Variants in KCNJ15 observed in about 807,000 individuals in gnomAD.
KCNJ15 encodes the protein ATP-sensitive inward rectifier potassium channel 15.
In KCNJ15, 14 loss-of-function variants were observed where a neutral mutation model predicts 23.0. The ratio of observed to expected loss-of-function variants is 0.61; its 90% CI spans 0.40 to 0.95. The LOEUF is 0.95. Ranked by LOEUF, KCNJ15 falls within the 40% of genes least tolerant of loss-of-function variation. The pLI, the probability that KCNJ15 is intolerant of heterozygous loss-of-function variation, is 0.00. For synonymous variants in KCNJ15, 185 were observed against 183.2 expected (o/e 1.01, Z -0.08); for missense variants, 388 against 461.8 (o/e 0.84, Z 1.46).
chr21:38,252,120 C>G (rs548102840), upstream of KCNJ15, among the ~76,000 whole-genome samples: 32 of 152,244 alleles, frequency 2.1e-4, no homozygotes, highest in Non-Finnish European at 3.7e-4. Flanking sequence ...GCTGTCTAAA[C>G]TCCATGAGGC....
intron 1 of KCNJ15, among the ~76,000 whole-genome samples, chr21:38,239,403 G>A (rs1211710531): frequency 6.6e-6 from 1 of 152,190 alleles, no homozygotes; most frequent in Non-Finnish European, 1.5e-5. Context: ...GCAGTCTAGA[G>A]GACTCCCTTG....
At chr21:38,295,156 T>C (rs987792439) in intron 1 of KCNJ15, among the ~76,000 whole-genome samples, 3 of 152,248 alleles carry the variant, frequency 2.0e-5, no homozygotes, top group African/African-American at 7.2e-5. Flanking sequence ...TTACTTTTAT[T>C]ATTATTTTCA....
rs1045937575 is a variant in KCNJ15 at position 38,302,726 on chromosome 21, A to G, written c.*2337A>G. On this transcript the variant is annotated 3_prime_UTR_variant, in exon 3 of 3. Transcript: ENST00000398938. ...TCAATGCTAATTTGAATGTGATGCCAATTAAAAATCTTGTTCATTTATATT... is the reference window on the plus strand; with the variant it reads ...TCAATGCTAATTTGAATGTGATGCCGATTAAAAATCTTGTTCATTTATATT... 1 of 152,188 alleles carries G rather than the reference A, an allele frequency of 6.6e-6. No individual in the cohort carries two copies. Among genetic ancestry groups the G allele is most frequent in the African/African-American group, 2.4e-5 (1 of 41,460 alleles). 9.4% of individuals were successfully genotyped at this position (152,188 alleles called of 1,614,324 possible).
rs1985982072 is a variant in KCNJ15 at position 38,304,662 on chromosome 21, C to CTTTTTTTTATTTTTTTTT, written c.*4281_*4282insATTTTTTTTTTTTTTTTT. 1 of 56,026 alleles carries CTTTTTTTTATTTTTTTTT rather than the reference C, an allele frequency of 1.8e-5. No individual in the cohort carries two copies. Among genetic ancestry groups the CTTTTTTTTATTTTTTTTT allele is most frequent in the East Asian group, 5.6e-4 (1 of 1,798 alleles). The allele number at this position is 56,026 out of a possible 1,614,324, so 3.5% of individuals were successfully genotyped here. ...TTACCCTTTGTAAACTTCAATTTAT[C>CTTTTTTTTATTTTTTTTT]TTTTTTTTTTTTTTTTTTTTTTTTT... On this transcript the variant is annotated 3_prime_UTR_variant, in exon 3 of 3. Coordinates refer to ENST00000398938, the MANE Select transcript of KCNJ15 (RefSeq NM_170736.3).
At chr21:38,264,815 G>C (rs1981293363) in intron 1 of KCNJ15, among the ~76,000 whole-genome samples, 2 of 152,170 alleles carry the variant, frequency 1.3e-5, no homozygotes, top group Non-Finnish European at 2.9e-5. Context: ...ACAAGAAACA[G>C]GGAACCATGT....
intron 1 of KCNJ15, among the ~76,000 whole-genome samples, chr21:38,243,903 TA>T (rs1241843586): frequency 1.3e-5 from 2 of 152,248 alleles, no homozygotes; most frequent in Non-Finnish European, 2.9e-5. Flanking sequence ...GTTATTGTCA[TA>T]AAATAACCAT....
At position 38,303,384 on chromosome 21, in the gene KCNJ15, G is replaced by C. The variant is rs900204742; in HGVS notation, c.*2995G>C. ...TTTCTCAATGAGACCATTAAAAAAC[G>C]TTGTGTTCCATTTGAGAAACCAGAG... On this transcript the variant is annotated 3_prime_UTR_variant, in exon 3 of 3. Transcript: ENST00000398938. 1.3e-5 allele frequency: 2 copies of C among 151,842 alleles called. No homozygotes were observed. The highest frequency in any genetic ancestry group is 4.2e-4 in the South Asian group (2 of 4,808). 9.4% of individuals were successfully genotyped at this position (151,842 alleles called of 1,614,324 possible). A position where few individuals can be genotyped will look rare whatever the true frequency, so the allele number is the denominator to read the frequency against.
In KCNJ15 at chr21:38,300,412, TA is replaced by T. The variant is rs755168318; in HGVS notation, c.*25del. The stretch of plus-strand genomic sequence containing the variant: ...TGATCACAGGGGCGCCATCCAGGTT[TA>T]ACCCTGCAAGCTGTTTCCACATCAG... On this transcript the variant is annotated 3_prime_UTR_variant, in exon 3 of 3. Transcript: ENST00000398938. 52 of 1,568,756 alleles carry T rather than the reference TA, an allele frequency of 3.3e-5. 1 individual carries two copies. In the South Asian group the frequency reaches 6.1e-4, roughly 18 times the overall value.
chr21:38,298,983 A>G (rs978405704), intron 2 of KCNJ15, among the ~76,000 whole-genome samples: 1 of 152,222 alleles, frequency 6.6e-6, no homozygotes, highest in Non-Finnish European at 1.5e-5. Context: ...AAAGGTCCAG[A>G]GAGGTTAAAT....
intron 1 of KCNJ15, among the ~76,000 whole-genome samples, chr21:38,271,276 T>C (rs1220861629): frequency 5.9e-5 from 9 of 152,210 alleles, no homozygotes; most frequent in Admixed American, 1.3e-4. Flanking sequence ...CCCAGTATCA[T>C]TGAGAAAACT....
intron 1 of KCNJ15, among the ~76,000 whole-genome samples, chr21:38,247,350 GTGGA>G (rs143175330): frequency 0.44 from 59,261 of 135,044 alleles, 13,183 homozygotes; most frequent in East Asian, 0.75. Flanking sequence ...AGATGCATAG[GTGGA>G]TGGATGGATG....
At chr21:38,255,536 C>T (rs1331286396), upstream of KCNJ15, among the ~76,000 whole-genome samples, 1 of 152,116 alleles carries the variant, frequency 6.6e-6, no homozygotes, top group Non-Finnish European at 1.5e-5. Context: ...ATTTATACTC[C>T]CAGGCTGAAA....
intron 1 of KCNJ15, among the ~76,000 whole-genome samples, chr21:38,232,911 A>C (rs1978365310): frequency 6.6e-6 from 1 of 152,016 alleles, no homozygotes; most frequent in Non-Finnish European, 1.5e-5. Context: ...CTTGAAAAGA[A>C]GATGTATATT....
At chr21:38,233,608 G>T (rs1978413249) in intron 1 of KCNJ15, among the ~76,000 whole-genome samples, 2 of 151,864 alleles carry the variant, frequency 1.3e-5, no homozygotes, top group South Asian at 4.1e-4. Context: ...CTTAGTGGTT[G>T]CCCTAGGGCT....
intron 1 of KCNJ15, among the ~76,000 whole-genome samples, chr21:38,275,920 C>G (rs1005913399): frequency 2.6e-5 from 4 of 152,164 alleles, no homozygotes; most frequent in Non-Finnish European, 5.9e-5. Flanking sequence ...AGTCCTCCTC[C>G]TGGAAATCCT....
Position 38,300,090 on chromosome 21 carries a change from T to G in KCNJ15, c.829T>G (p.Phe277Val). Residue 277 changes from phenylalanine to valine, a missense_variant, in exon 3 of 3, where the codon TTT becomes GTT. Physicochemically the swap from Phe to Val is conservative, Grantham distance 50. Coordinates refer to ENST00000398938, the MANE Select transcript of KCNJ15 (RefSeq NM_170736.3). Reference protein sequence around the residue: ...LTPQNLKEKEFELVVLLNATV... With the variant: ...LTPQNLKEKEVELVVLLNATV... ...ACCCCAAAACCTAAAGGAGAAGGAG[T>G]TTGAGCTTGTGGTCCTCCTCAATGC... The G allele has an allele frequency of 6.2e-7, 1 of 1,613,848 alleles. No homozygotes were observed. The highest frequency in any genetic ancestry group is 8.5e-7 in the Non-Finnish European group (1 of 1,179,960).
chr21:38,297,276 G>A (rs1212548389), intron 2 of KCNJ15, among the ~76,000 whole-genome samples: 2 of 152,156 alleles, frequency 1.3e-5, no homozygotes, highest in Admixed American at 6.6e-5. Flanking sequence ...GCAGAAAGAG[G>A]AAACAGATAC....
intron 1 of KCNJ15, among the ~76,000 whole-genome samples, chr21:38,238,891 C>T (rs2123549492): frequency 6.6e-6 from 1 of 152,334 alleles, no homozygotes; most frequent in South Asian, 2.1e-4. Context: ...CTCTCTCTCA[C>T]ATTTTTGTAC....
chr21:38,252,266 T>C (rs561478683), upstream of KCNJ15, among the ~76,000 whole-genome samples: 3 of 152,318 alleles, frequency 2.0e-5, no homozygotes, highest in Admixed American at 6.5e-5. Context: ...TCTCCACCTA[T>C]GGAAATCTTG....
Sources: gnomAD v4.1 joint callset for allele counts (sites outside exome capture counted in the v4.1 genomes callset) on GRCh38, gnomAD v4.1.1 for gene constraint, MANE v1.5 for transcripts, NCBI Gene and HGNC (gene_info 2026-07-23, HGNC 2026-07-21) for gene names.